CSMD1: variants seen among roughly 807,000 people sequenced by gnomAD.
CSMD1 encodes CUB and Sushi multiple domains 1, also known as CUB and sushi domain-containing protein 1.
Under a neutral mutation model 417.5 loss-of-function variants are expected in CSMD1, and 213 were observed. The ratio of observed to expected loss-of-function variants is 0.51; its 90% CI spans 0.46 to 0.57. CSMD1 has a LOEUF of 0.57. CSMD1 is among the 20% of genes least tolerant of loss of function. CSMD1 has a pLI of 0.00. For missense variants in CSMD1, 6,923 were observed against 4,529.7 expected, an observed-to-expected ratio of 1.53 and a Z score of -15.17; for synonymous variants, 2,862 against 1,736.8, an observed-to-expected ratio of 1.65 and a Z score of -16.11.
chr8:3,842,030 C>A (rs990448236), intron 5 of CSMD1, among the ~76,000 whole-genome samples: 2 of 152,172 alleles, frequency 1.3e-5, no homozygotes, highest in African/African-American at 4.8e-5. Flanking sequence ...TCCTTTCTTT[C>A]TAATGCATAC....
At position 3,772,183 on chromosome 8, in the gene CSMD1, TATATATAC is replaced by T. The variant is rs1448027109; in HGVS notation, c.819-18149_819-18142del. Among the ~76,000 whole-genome samples, 58 of 67,442 alleles carry T rather than the reference TATATATAC, an allele frequency of 8.6e-4. 6 individuals carry two copies. The highest frequency in any genetic ancestry group is 2.1e-3 in the African/African-American group (45 of 21,578). 44.2% of individuals were successfully genotyped at this position (67,442 alleles called of 152,430 possible). A position where few individuals can be genotyped will look rare whatever the true frequency, so the allele number is the denominator to read the frequency against. On this transcript the variant is annotated intron_variant, in intron 5 of 69. Coordinates refer to ENST00000635120, the MANE Select transcript of CSMD1 (RefSeq NM_033225.6). ...AAAGGGCAACATATATATATATATA[TATATATAC>T]ACACACACACACACACACACACACA...
intron 4 of CSMD1, among the ~76,000 whole-genome samples, chr8:4,025,067 A>G (rs1215409089): frequency 1.3e-5 from 2 of 152,298 alleles, no homozygotes; most frequent in East Asian, 3.9e-4. Context: ...AATACTCACA[A>G]AAATAAGATT....
At chr8:3,909,814 C>A (rs1439162694) in intron 5 of CSMD1, among the ~76,000 whole-genome samples, 1 of 152,090 alleles carries the variant, frequency 6.6e-6, no homozygotes, top group Non-Finnish European at 1.5e-5. Context: ...CACAATTTTG[C>A]ATGGTGATTG....
chr8:3,942,108 A>C (rs1236586582), intron 5 of CSMD1, among the ~76,000 whole-genome samples: 1 of 151,856 alleles, frequency 6.6e-6, no homozygotes, highest in Non-Finnish European at 1.5e-5. Flanking sequence ...CTAATGCCTG[A>C]TGATCTGTCA....
intron 21 of CSMD1, among the ~76,000 whole-genome samples, chr8:3,352,291 C>A (rs1383065057): frequency 6.6e-6 from 1 of 152,084 alleles, no homozygotes; most frequent in Non-Finnish European, 1.5e-5. Context: ...ACAGCCTGAA[C>A]CAGGTTGCAG....
Position 3,502,170 on chromosome 8 carries a change from C to G in CSMD1, c.1345-8444G>C, listed in dbSNP as rs570329663. Among the ~76,000 whole-genome samples the G allele has an allele frequency of 2.0e-5, 3 of 151,622 alleles. No homozygotes were observed. In the South Asian group the frequency reaches 6.3e-4, roughly 32 times the overall value. On this transcript the variant is annotated intron_variant, in intron 10 of 69. Transcript: ENST00000635120. ...ACGAGGTCAGGAGATCGAGACCATACTGGCTAACGTGGTGAAACCCCGTCT... is the reference window on the plus strand; with the variant it reads ...ACGAGGTCAGGAGATCGAGACCATAGTGGCTAACGTGGTGAAACCCCGTCT...
At chr8:4,991,834 G>A (rs1000256667) in intron 1 of CSMD1, among the ~76,000 whole-genome samples, 4 of 152,186 alleles carry the variant, frequency 2.6e-5, no homozygotes, top group African/African-American at 9.6e-5. Flanking sequence ...TTCCCAGGCC[G>A]GTACAGGAGC....
intron 1 of CSMD1, among the ~76,000 whole-genome samples, chr8:4,709,116 G>C (rs771850497): frequency 1.3e-5 from 2 of 152,200 alleles, no homozygotes; most frequent in East Asian, 1.9e-4. Flanking sequence ...TGGAAAAAAT[G>C]TCTTACTCTA....
At chr8:4,701,366 C>T (rs1286682969) in intron 1 of CSMD1, among the ~76,000 whole-genome samples, 1 of 148,926 alleles carries the variant, frequency 6.7e-6, no homozygotes, top group African/African-American at 2.5e-5. Context: ...CTTTGTTTAT[C>T]TTGCCAGGCA....
chr8:4,154,068 T>C (rs908116549), intron 3 of CSMD1, among the ~76,000 whole-genome samples: 1 of 152,164 alleles, frequency 6.6e-6, no homozygotes, highest in Non-Finnish European at 1.5e-5. Context: ...AGGTAATAAA[T>C]AAATTGGAAG....
intron 1 of CSMD1, among the ~76,000 whole-genome samples, chr8:4,764,314 G>C (rs7818868): frequency 3.9e-5 from 6 of 152,240 alleles, no homozygotes; most frequent in African/African-American, 1.2e-4. Context: ...ACATATAGTA[G>C]AGCAAAATGT....
At chr8:4,821,985 T>A (rs909853907) in intron 1 of CSMD1, among the ~76,000 whole-genome samples, 2 of 152,004 alleles carry the variant, frequency 1.3e-5, no homozygotes, top group Non-Finnish European at 2.9e-5. Context: ...TAAAATAAAG[T>A]TCCTCTGTAA....
At chr8:4,836,783 T>C (rs1800519694) in intron 1 of CSMD1, among the ~76,000 whole-genome samples, 1 of 151,776 alleles carries the variant, frequency 6.6e-6, no homozygotes, top group Non-Finnish European at 1.5e-5. Flanking sequence ...GACTCCTGTG[T>C]GGACACACTG....
intron 40 of CSMD1, among the ~76,000 whole-genome samples, chr8:3,143,012 G>A (rs548124524): frequency 3.9e-5 from 6 of 152,238 alleles, no homozygotes; most frequent in African/African-American, 1.2e-4. Context: ...GATTTTGTCC[G>A]GTGACTTTTA....
chr8:4,243,603 T>C (rs1010815980), intron 3 of CSMD1, among the ~76,000 whole-genome samples: 4 of 152,218 alleles, frequency 2.6e-5, no homozygotes, highest in African/African-American at 9.6e-5. Context: ...TCTCCATGAC[T>C]ATTTCCTTAA....
At position 4,200,688 on chromosome 8, in the gene CSMD1, T is replaced by G. The variant is rs537913898; in HGVS notation, c.416-168589A>C. On this transcript the variant is annotated intron_variant, in intron 3 of 69. Coordinates refer to ENST00000635120, the MANE Select transcript of CSMD1 (RefSeq NM_033225.6). ...CTGGGCAAGGTAGGAAGACCGCACC[T>G]CTACAAAACATAACAATTAAAAAAC... 7.2e-5 allele frequency among the ~76,000 whole-genome samples: 11 copies of G among 152,228 alleles called. No individual in the cohort carries two copies. In the South Asian group the frequency reaches 2.3e-3, roughly 32 times the overall value.
chr8:3,790,692 T>C (rs941921065), intron 5 of CSMD1, among the ~76,000 whole-genome samples: 2 of 152,334 alleles, frequency 1.3e-5, no homozygotes, highest in South Asian at 2.1e-4. Flanking sequence ...TTTTATCTTT[T>C]TGATATCTAG....
chr8:4,905,959 C>T (rs1424187580), intron 1 of CSMD1, among the ~76,000 whole-genome samples: 2 of 152,114 alleles, frequency 1.3e-5, no homozygotes, highest in African/African-American at 4.8e-5. Context: ...CCCATTCATT[C>T]TTCCTGCCTT....
intron 10 of CSMD1, among the ~76,000 whole-genome samples, chr8:3,494,580 A>AT (rs1205192425): frequency 4.0e-5 from 6 of 150,112 alleles, no homozygotes; most frequent in Non-Finnish European, 8.8e-5. Context: ...AGATAGATAG[A>AT]TAGATAGATA....
Sources: gnomAD v4.1 joint callset for allele counts (sites outside exome capture counted in the v4.1 genomes callset) on GRCh38, gnomAD v4.1.1 for gene constraint, MANE v1.5 for transcripts, NCBI Gene and HGNC (gene_info 2026-07-23, HGNC 2026-07-21) for gene names.